MTIF2: variants seen among roughly 807,000 people sequenced by gnomAD.
MTIF2 encodes mitochondrial translational initiation factor 2, also known as translation initiation factor IF-2, mitochondrial.
A neutral mutation model predicts 83.5 loss-of-function variants in MTIF2; 71 were observed. The observed-to-expected ratio is 0.85, with a 90% CI of 0.70 to 1.04. The LOEUF (loss-of-function observed/expected upper bound fraction) is 1.04, where lower values mean the gene tolerates loss of function less well. MTIF2 is among the 50% of genes least tolerant of loss of function. The pLI, the probability that MTIF2 is intolerant of heterozygous loss-of-function variation, is 0.00. For synonymous variants in MTIF2, 319 were observed against 287.1 expected, an observed-to-expected ratio of 1.11 and a Z score of -1.12; for missense variants, 957 against 846.5, an observed-to-expected ratio of 1.13 and a Z score of -1.62.
intron 10 of MTIF2, among the ~76,000 whole-genome samples, chr2:55,244,469 T>G (rs1191964363): frequency 3.3e-5 from 5 of 152,160 alleles, no homozygotes; most frequent in Non-Finnish European, 7.3e-5. Flanking sequence ...GCCCAGGAGT[T>G]CAAAGTCAGC....
chr2:55,267,960 T>G (rs1253725502), intron 2 of MTIF2, among the ~76,000 whole-genome samples: 3 of 152,114 alleles, frequency 2.0e-5, no homozygotes, highest in African/African-American at 7.2e-5. Flanking sequence ...ACATTAAGAT[T>G]TAGAAATTCA....
intron 5 of MTIF2, among the ~76,000 whole-genome samples, chr2:55,258,707 G>A (rs1677729215): frequency 6.6e-6 from 1 of 151,694 alleles, no homozygotes; most frequent in Non-Finnish European, 1.5e-5. Context: ...AGCTACTCGG[G>A]AGGCTGAGGC....
chr2:55,262,740 T>C (rs1225127899), intron 4 of MTIF2, among the ~76,000 whole-genome samples: 1 of 151,426 alleles, frequency 6.6e-6, no homozygotes, highest in African/African-American at 2.4e-5. Flanking sequence ...GTTTTTTGTT[T>C]TGTTTTGAGA....
At chr2:55,261,313 T>C (rs989351931) in intron 5 of MTIF2, among the ~76,000 whole-genome samples, 2 of 152,006 alleles carry the variant, frequency 1.3e-5, no homozygotes, top group Non-Finnish European at 2.9e-5. Flanking sequence ...ATTGTCAAAA[T>C]GAGAGAAAAG....
At chr2:55,262,287 A>G in intron 5 of MTIF2, 29 bp downstream of exon 5, 1 of 1,484,200 alleles carries the variant, frequency 6.7e-7, no homozygotes, top group South Asian at 1.1e-5. Context: ...ACATTCCCAT[A>G]TTTTGCTTTG....
At chr2:55,256,874 T>C (rs200599877) in intron 5 of MTIF2, among the ~76,000 whole-genome samples, 1 of 16,830 alleles carries the variant, frequency 5.9e-5, no homozygotes, top group African/African-American at 9.5e-5. Context: ...ATCCTACTAA[T>C]TTTTTGTAGA....
chr2:55,256,712 A>AAC (rs1677569043), intron 5 of MTIF2, among the ~76,000 whole-genome samples: 1 of 151,018 alleles, frequency 6.6e-6, no homozygotes, highest in East Asian at 2.0e-4. Flanking sequence ...AAAAAAAAAA[A>AAC]AATTTTTTTT....
rs11357 is a variant in MTIF2, at chr2:55,242,979, C to T, written c.1666G>A (p.Val556Ile). The part of the protein sequence containing the change: ...LELVHFGVGD[V>I]SANDVNLAET... ...GCAAGGTTAACATCATTTGCACTTACATCACCCACTCCAAAATGTACTAAT... is the reference window on the plus strand; with the variant it reads ...GCAAGGTTAACATCATTTGCACTTATATCACCCACTCCAAAATGTACTAAT... Residue 556 changes from valine to isoleucine, a missense_variant, in exon 13 of 16, where the codon GTA becomes ATA. Physicochemically the swap from Val to Ile is conservative, Grantham distance 29 (BLOSUM62 3). Transcript: ENST00000263629. 1,219,697 of 1,610,850 alleles carry T rather than the reference C, an allele frequency of 0.76. 466,271 individuals are homozygous for T. The highest frequency in any genetic ancestry group is 0.78 in the Non-Finnish European group (923,971 of 1,178,402).
Position 55,244,106 on chromosome 2 carries a change from G to C in MTIF2, c.1234C>G (p.Pro412Ala). Residue 412 changes from proline to alanine, a missense_variant, in exon 11 of 16, where the codon CCC becomes GCC. By Grantham distance (27) the Pro-to-Ala change is conservative. Transcript: ENST00000263629. ...CCTGTAATTCCCACTGGCATGCTGG[G>C]ATAGGCCTCATCAATTGTTTTTCCA... is the stretch of plus-strand genomic sequence containing the variant. ...ENGKTIDEAY[P>A]SMPVGITGWR... 6.2e-7 allele frequency: 1 copy of C among 1,614,110 alleles called. No homozygotes were observed. The highest frequency in any genetic ancestry group is 8.5e-7 in the Non-Finnish European group (1 of 1,180,002).
At chr2:55,253,033 G>C (rs1677222630) in intron 7 of MTIF2, among the ~76,000 whole-genome samples, 1 of 152,144 alleles carries the variant, frequency 6.6e-6, no homozygotes. Flanking sequence ...CAATTTAGTA[G>C]GCAGTAGCTC....
chr2:55,262,125 G>A (rs1678049402), intron 5 of MTIF2, among the ~76,000 whole-genome samples, 191 bp downstream of exon 5: 1 of 152,056 alleles, frequency 6.6e-6, no homozygotes, highest in South Asian at 2.1e-4. Context: ...GCAAAATCTT[G>A]GAGAACTACA....
chr2:55,266,923 C>T (rs1331580260), intron 3 of MTIF2, among the ~76,000 whole-genome samples: 3 of 151,850 alleles, frequency 2.0e-5, no homozygotes, highest in Non-Finnish European at 4.4e-5. Context: ...GTGTGTGCCA[C>T]CGTGTCAGGC....
chr2:55,263,764 T>C lies in MTIF2; in HGVS notation c.95A>G (p.Gln32Arg). 1 of 1,614,182 alleles carries C rather than the reference T, an allele frequency of 6.2e-7. No homozygotes were observed. Among genetic ancestry groups the C allele is most frequent in the South Asian group, 1.1e-5 (1 of 91,090 alleles). ...HSLCQRRALR[Q>R]WRHGFSSAYP... ...AGCAGATGAAAACCCATGCCTCCAC[T>C]GTCTTAATGCTCTTCTTTGACACAG... Residue 32 changes from glutamine (Q) to arginine (R), a missense_variant, in exon 4 of 16, where the codon CAG (glutamine) becomes CGG (arginine). Gln to Arg is a conservative substitution (Grantham distance 43, BLOSUM62 1). Coordinates refer to ENST00000263629, the MANE Select transcript of MTIF2 (RefSeq NM_002453.3).
At position 55,244,118 on chromosome 2, in the gene MTIF2, C is replaced by G; in HGVS notation, c.1222G>C (p.Asp408His). 6.2e-7 allele frequency: 1 copy of G among 1,614,140 alleles called. No homozygotes were observed. ...LMFDENGKTIDEAYPSMPVGI... is the reference protein window; with the variant it reads ...LMFDENGKTIHEAYPSMPVGI... ...ACTGGCATGCTGGGATAGGCCTCAT[C>G]AATTGTTTTTCCATTTTCATCAAAC... The change falls in exon 11 of 16, where the codon GAT becomes CAT. Residue 408 changes from aspartate to histidine, a missense_variant. Asp to His is a moderately conservative substitution (Grantham distance 81). Around this residue, in one of 3 missense-constraint regions of MTIF2, gnomAD observed 733 missense variants for 648.7 expected, o/e 1.13. Transcript: ENST00000263629.
intron 5 of MTIF2, among the ~76,000 whole-genome samples, chr2:55,256,410 T>A (rs1677537498): frequency 6.6e-6 from 1 of 152,000 alleles, no homozygotes; most frequent in Non-Finnish European, 1.5e-5. Context: ...TTATTTTTTA[T>A]TTTAAAAAAA....
intron 6 of MTIF2, among the ~76,000 whole-genome samples, 198 bp from the exon 7 acceptor site, chr2:55,254,399 A>G (rs944518055): frequency 1.3e-5 from 2 of 152,328 alleles, no homozygotes; most frequent in South Asian, 2.1e-4. Flanking sequence ...TTGCATTTTC[A>G]TAACAATGAG....
chr2:55,254,119 A>T lies in MTIF2; in HGVS notation c.586T>A (p.Leu196Ile). 2 of 1,614,188 alleles carry T rather than the reference A, an allele frequency of 1.2e-6. No individual in the cohort carries two copies. Among genetic ancestry groups the T allele is most frequent in the Non-Finnish European group, 8.5e-7 (1 of 1,180,020 alleles). The change falls in exon 7 of 16, where the codon TTA (leucine) becomes ATA (isoleucine). Residue 196 changes from leucine (L) to isoleucine (I), a missense_variant. Physicochemically the swap from Leu to Ile is conservative, Grantham distance 5. This residue lies in a region of MTIF2 where 733 missense variants were observed against 648.7 expected (regional missense o/e 1.13). Coordinates refer to ENST00000263629, the MANE Select transcript of MTIF2 (RefSeq NM_002453.3). ...MGHVDHGKTT[L>I]LDKFRKTQVA... ...TGAGTTTTTCGAAATTTGTCAAGTA[A>T]TGTCGTTTTCCCGTGATCAACATGG...
rs771477689 is a variant in MTIF2, at chr2:55,254,742, T to C, written c.415A>G (p.Lys139Glu). ...ADSHLDEVWI[K>E]EVITKAGMKL... ...ATCCCTGCCTTCGTTATCACTTCTT[T>C]GATCCAGACTTCATCTAAATGTGAG... The change falls in exon 6 of 16, where the codon AAA becomes GAA. Residue 139 changes from lysine (K) to glutamate (E), a missense_variant. By Grantham distance (56) the Lys-to-Glu change is moderately conservative. Coordinates refer to ENST00000263629, the MANE Select transcript of MTIF2 (RefSeq NM_002453.3). 8 of 1,611,442 alleles carry C rather than the reference T, an allele frequency of 5.0e-6. No homozygotes were observed. Among genetic ancestry groups the C allele is most frequent in the Non-Finnish European group, 6.8e-6 (8 of 1,178,958 alleles).
At chr2:55,246,489 C>A (rs1676712865) in intron 9 of MTIF2, 28 bp from the exon 10 acceptor site, 1 of 1,591,526 alleles carries the variant, frequency 6.3e-7, no homozygotes, top group Non-Finnish European at 8.6e-7. Context: ...GTTGTTAATA[C>A]ACATTAATAA....
Sources: allele counts gnomAD v4.1 joint callset (sites outside exome capture counted in the v4.1 genomes callset), GRCh38; gene constraint gnomAD v4.1.1; regional missense constraint gnomAD v4.1.1; transcripts MANE v1.5; gene names NCBI Gene and HGNC (gene_info 2026-07-23, HGNC 2026-07-21).